GNG7: variants seen among roughly 807,000 people sequenced by gnomAD.
The protein encoded by GNG7 is G protein subunit gamma 7.
A neutral mutation model predicts 4.0 loss-of-function variants in GNG7; 1 was observed. The observed-to-expected ratio is 0.25, with a 90% CI of 0.09 to 1.18. The LOEUF (loss-of-function observed/expected upper bound fraction) is 1.18. Among genes scored for constraint, GNG7 ranks in the 50% most tolerant of loss-of-function variants. The pLI is 0.50. For missense variants in GNG7, 86 were observed against 91.9 expected (o/e 0.94, Z 0.26); for synonymous variants, 34 against 36.9 (o/e 0.92, Z 0.29).
At chr19:2,547,355 G>T (rs559756422) in intron 3 of GNG7, among the ~76,000 whole-genome samples, 7 of 152,146 alleles carry the variant, frequency 4.6e-5, no homozygotes, top group Admixed American at 1.3e-4. Flanking sequence ...GAGGCTCCAG[G>T]GGAGAATCTC....
At chr19:2,608,847 A>C (rs1289920770) in intron 2 of GNG7, among the ~76,000 whole-genome samples, 1 of 152,192 alleles carries the variant, frequency 6.6e-6, no homozygotes, top group Non-Finnish European at 1.5e-5. Flanking sequence ...ACCACAGCCA[A>C]AATCAGTGTG....
chr19:2,693,371 A>T (rs1178179135), intron 1 of GNG7, among the ~76,000 whole-genome samples: 1 of 150,032 alleles, frequency 6.7e-6, no homozygotes, highest in Non-Finnish European at 1.5e-5. Flanking sequence ...AGCCAAGATC[A>T]CACCACTGTA....
rs1480780461 is a variant in GNG7 at position 2,520,625 on chromosome 19, C to T, written c.64G>A (p.Gly22Arg). The change falls in exon 4 of 5, where the codon GGG (glycine) becomes AGG (arginine). Residue 22 changes from glycine (G) to arginine (R), a missense_variant. Coordinates refer to ENST00000382159, the MANE Select transcript of GNG7 (RefSeq NM_052847.3). Reference sequence around the variant, plus strand: ...GGGCTCACCTTGATGCGCTCAATCCCGGCTTCTATGCGTAGCTGTTCCACC... The same window carrying T: ...GGGCTCACCTTGATGCGCTCAATCCTGGCTTCTATGCGTAGCTGTTCCACC... Reference protein sequence around the residue: ...KLVEQLRIEAGIERIKVSKAA... With the variant: ...KLVEQLRIEARIERIKVSKAA... The T allele has an allele frequency of 1.0e-5, 16 of 1,549,380 alleles. No individual in the cohort carries two copies. Among genetic ancestry groups the T allele is most frequent in the Middle Eastern group, 1.7e-4 (1 of 6,008 alleles).
At position 2,519,913 on chromosome 19, in the gene GNG7, C is replaced by T. The variant is rs1978298961; in HGVS notation, c.81+695G>A. Among the ~76,000 whole-genome samples, 3 of 152,128 alleles carry T rather than the reference C, an allele frequency of 2.0e-5. No homozygotes were observed. The South Asian group carries it at 6.2e-4, about 32-fold the overall frequency. On this transcript the variant is annotated intron_variant, in intron 4 of 4. Transcript: ENST00000382159. ...ACTTCAAACGGGCCAGGCATGGTGG[C>T]TCACGCCTGGAATCCCAGGACTTTG...
intron 1 of GNG7, among the ~76,000 whole-genome samples, chr19:2,686,126 C>T (rs1019730933): frequency 1.3e-5 from 2 of 151,748 alleles, no homozygotes; most frequent in Admixed American, 1.3e-4. Flanking sequence ...AGCTGTCAGG[C>T]AGTTTCCCAG....
chr19:2,632,436 A>AC (rs1982183407), intron 2 of GNG7: 1 of 151,772 alleles, frequency 6.6e-6, no homozygotes, highest in Admixed American at 6.6e-5. Flanking sequence ...TCTCAAAAAA[A>AC]AAAAAAACAA....
chr19:2,536,599 G>A (rs977171442), intron 3 of GNG7, among the ~76,000 whole-genome samples: 2 of 152,176 alleles, frequency 1.3e-5, no homozygotes, highest in African/African-American at 2.4e-5. Context: ...GAGCACTGCC[G>A]CACTGAAGCG....
chr19:2,599,574 T>C (rs571715494), intron 2 of GNG7, among the ~76,000 whole-genome samples: 62 of 152,180 alleles, frequency 4.1e-4, no homozygotes, highest in African/African-American at 1.4e-3. Flanking sequence ...TGTTGAGTTA[T>C]TGTGGCTTTG....
rs78185089 is a variant in GNG7 at position 2,559,101 on chromosome 19, G to T, written c.-77-3913C>A. On this transcript the variant is annotated intron_variant, in intron 2 of 4. Coordinates refer to ENST00000382159, the MANE Select transcript of GNG7 (RefSeq NM_052847.3). ...AAGCGTGAGCCATCGCGCCCAGCCA[G>T]TTATATTCCTTTCATAGTCACAAAG... 7.8e-3 allele frequency among the ~76,000 whole-genome samples: 1,175 copies of T among 151,584 alleles called. 12 individuals carry two copies. The highest frequency in any genetic ancestry group is 0.027 in the African/African-American group (1,094 of 41,270).
At chr19:2,661,281 A>AGGAAGGAAG (rs1191625207) in intron 1 of GNG7, among the ~76,000 whole-genome samples, 720 of 70,400 alleles carry the variant, frequency 0.01, 12 homozygotes, top group Non-Finnish European at 0.014. Flanking sequence ...AAAGAAAGAA[A>AGGAAGGAAG]GAAAGAAAGA....
intron 1 of GNG7, among the ~76,000 whole-genome samples, chr19:2,682,961 G>A (rs187512118): frequency 9.2e-5 from 14 of 152,080 alleles, no homozygotes; most frequent in African/African-American, 2.7e-4. Flanking sequence ...GGCAGGACAC[G>A]GTGGCTCACG....
intron 2 of GNG7, among the ~76,000 whole-genome samples, chr19:2,559,126 G>T (rs1040105603): frequency 7.4e-6 from 1 of 134,628 alleles, no homozygotes; most frequent in Non-Finnish European, 1.6e-5. Context: ...TAGTCACAAA[G>T]AATATATATA....
At chr19:2,608,377 C>G (rs1981458920) in intron 2 of GNG7, among the ~76,000 whole-genome samples, 1 of 152,102 alleles carries the variant, frequency 6.6e-6, no homozygotes, top group African/African-American at 2.4e-5. Context: ...GAGGGACGGG[C>G]TCTTCACACA....
chr19:2,638,575 GAGAA>G (rs1430255392), intron 2 of GNG7, among the ~76,000 whole-genome samples: 5 of 137,960 alleles, frequency 3.6e-5, no homozygotes, highest in South Asian at 2.5e-4. Context: ...GAAGGGAAGG[GAGAA>G]AGAAAGAGTC....
chr19:2,605,933 A>G (rs1414753051), intron 2 of GNG7, among the ~76,000 whole-genome samples: 2 of 152,184 alleles, frequency 1.3e-5, no homozygotes, highest in Non-Finnish European at 2.9e-5. Flanking sequence ...CCTATAAGGG[A>G]AAATTCACAG....
rs377242561 is a variant in GNG7, at chr19:2,653,914, C to T, written c.-134-7634G>A. On this transcript the variant is annotated intron_variant, in intron 1 of 4. Coordinates refer to ENST00000382159, the MANE Select transcript of GNG7 (RefSeq NM_052847.3). This position sits in a 1 kb window ranked among gnomAD's most constrained non-coding sequence, Gnocchi z 4.8. ...CCTTGGCAGGCATCCCCAACAGAGG[C>T]GAGGGGACAGCTCTCGCCTGCCTCG... 6.6e-6 allele frequency among the ~76,000 whole-genome samples: 1 copy of T among 152,190 alleles called. No homozygotes were observed. The highest frequency in any genetic ancestry group is 1.5e-5 in the Non-Finnish European group (1 of 68,036).
At chr19:2,522,941 T>A (rs1435319608) in intron 3 of GNG7, among the ~76,000 whole-genome samples, 1 of 146,934 alleles carries the variant, frequency 6.8e-6, no homozygotes, top group Non-Finnish European at 1.5e-5. Flanking sequence ...CTCAGCTCAC[T>A]GCAAGCTCCG....
At chr19:2,575,643 A>G (rs546921480) in intron 2 of GNG7, among the ~76,000 whole-genome samples, 5 of 144,252 alleles carry the variant, frequency 3.5e-5, no homozygotes, top group African/African-American at 1.3e-4. Flanking sequence ...ACACAGGCAC[A>G]CGCAGACACG....
intron 3 of GNG7, among the ~76,000 whole-genome samples, chr19:2,529,829 C>G (rs1978527482): frequency 6.6e-6 from 1 of 152,148 alleles, no homozygotes; most frequent in Non-Finnish European, 1.5e-5. Context: ...GAAGAGGGAC[C>G]ACACGGTGCC....
Sources: gnomAD v4.1 joint callset for allele counts (sites outside exome capture counted in the v4.1 genomes callset) on GRCh38, gnomAD v4.1.1 for gene constraint, Gnocchi (gnomAD v3.1) non-coding constraint, MANE v1.5 for transcripts, NCBI Gene and HGNC (gene_info 2026-07-23, HGNC 2026-07-21) for gene names.